RBFOX1: variants seen among roughly 807,000 people sequenced by gnomAD.
RBFOX1 encodes the protein RNA binding protein fox-1 homolog 1.
Under a neutral mutation model 57.7 loss-of-function variants are expected in RBFOX1, and 8 were observed. The observed-to-expected ratio is 0.14, with a 90% confidence interval of 0.08 to 0.25. RBFOX1 has a LOEUF of 0.25. Ranked by LOEUF, RBFOX1 falls within the 10% of genes least tolerant of loss-of-function variation. The probability of loss-of-function intolerance (pLI) is 1.00; values close to 1 mark genes in which losing one functional copy is unlikely to be tolerated. For synonymous variants in RBFOX1, 326 were observed against 222.4 expected (o/e 1.47, Z -4.15); for missense variants, 611 against 548.5 (o/e 1.11, Z -1.14).
At chr16:6,436,511 CTTTTTT>C (rs61508952) in intron 2 of RBFOX1, among the ~76,000 whole-genome samples, 2 of 103,418 alleles carry the variant, frequency 1.9e-5, no homozygotes, top group Admixed American at 1.1e-4. Flanking sequence ...TTTTTCTTCA[CTTTTTT>C]TTTTTTTTTT....
chr16:7,467,428 G>A (rs544965993), intron 4 of RBFOX1, among the ~76,000 whole-genome samples: 1 of 152,244 alleles, frequency 6.6e-6, no homozygotes, highest in East Asian at 1.9e-4. Flanking sequence ...AGGACATTGG[G>A]ATGTAACAAC....
At chr16:7,031,035 G>A (rs1272206881) in intron 3 of RBFOX1, among the ~76,000 whole-genome samples, 1 of 152,178 alleles carries the variant, frequency 6.6e-6, no homozygotes, top group Non-Finnish European at 1.5e-5. Context: ...GTTTGGGATG[G>A]GAGATGGTGT....
intron 1 of RBFOX1, among the ~76,000 whole-genome samples, chr16:6,258,063 G>A (rs1270820946): frequency 6.6e-6 from 1 of 152,118 alleles, no homozygotes; most frequent in Non-Finnish European, 1.5e-5. Flanking sequence ...CATTCCCTTT[G>A]TGTCCGCATG....
intron 3 of RBFOX1, among the ~76,000 whole-genome samples, chr16:6,828,971 T>A (rs897830628): frequency 6.6e-6 from 1 of 150,586 alleles, no homozygotes; most frequent in South Asian, 2.1e-4. Flanking sequence ...TGTGTACTTT[T>A]CCCGTTGTTA....
At chr16:7,348,843 C>G (rs9924450) in intron 4 of RBFOX1, among the ~76,000 whole-genome samples, 59,948 of 151,798 alleles carry the variant, frequency 0.39, 14,816 homozygotes, top group African/African-American at 0.71. Flanking sequence ...TTGGGAGGCT[C>G]AGGCAGGAGA....
chr16:7,002,234 C>G (rs556415896), intron 3 of RBFOX1, among the ~76,000 whole-genome samples: 1 of 152,154 alleles, frequency 6.6e-6, no homozygotes, highest in African/African-American at 2.4e-5. Flanking sequence ...ACTTGAGGCC[C>G]TGGATACAGC....
chr16:5,424,933 T>TTCTC (rs1364987875), intron 1 of RBFOX1, among the ~76,000 whole-genome samples: 1 of 109,860 alleles, frequency 9.1e-6, no homozygotes, highest in African/African-American at 3.6e-5. Flanking sequence ...CTTTCTTTCT[T>TTCTC]TCTCTCTCTT....
intron 3 of RBFOX1, among the ~76,000 whole-genome samples, chr16:6,836,158 A>T (rs1603630497): frequency 6.6e-6 from 1 of 152,232 alleles, no homozygotes; most frequent in East Asian, 1.9e-4. Flanking sequence ...AACCATTAAT[A>T]CGTCACCGGG....
At chr16:6,619,500 C>T (rs1238857419) in intron 2 of RBFOX1, among the ~76,000 whole-genome samples, 1 of 152,126 alleles carries the variant, frequency 6.6e-6, no homozygotes, top group South Asian at 2.1e-4. Flanking sequence ...TAAACTTATG[C>T]CTTTCTGCTT....
At chr16:6,568,189 T>C (rs995514975) in intron 2 of RBFOX1, among the ~76,000 whole-genome samples, 30 of 152,204 alleles carry the variant, frequency 2.0e-4, no homozygotes, top group Admixed American at 1.0e-3. Context: ...TTTCATCTCA[T>C]AGAGTTTCTG....
At chr16:6,896,604 C>T (rs1305488810) in intron 3 of RBFOX1, among the ~76,000 whole-genome samples, 1 of 152,162 alleles carries the variant, frequency 6.6e-6, no homozygotes, top group Non-Finnish European at 1.5e-5. Context: ...AGGATCTCAT[C>T]CTCTGCTATG....
upstream of RBFOX1, among the ~76,000 whole-genome samples, chr16:6,017,607 G>A (rs1019486276): frequency 3.9e-5 from 6 of 152,216 alleles, no homozygotes; most frequent in South Asian, 2.1e-4. Context: ...TTGCAAAATC[G>A]CTGGGACCAA....
intron 2 of RBFOX1, among the ~76,000 whole-genome samples, chr16:6,561,307 C>T (rs557602637): frequency 7.9e-5 from 12 of 152,114 alleles, no homozygotes; most frequent in African/African-American, 2.7e-4. Context: ...TCCATGGTTT[C>T]AGAATTAATA....
chr16:5,983,170 G>C (rs764469437), intron 4 of RBFOX1, among the ~76,000 whole-genome samples: 2 of 152,152 alleles, frequency 1.3e-5, no homozygotes, highest in Non-Finnish European at 2.9e-5. Flanking sequence ...CATTACCCCA[G>C]ATGCCTCCTG....
chr16:6,446,098 A>G (rs778594402), intron 2 of RBFOX1, among the ~76,000 whole-genome samples: 1 of 152,162 alleles, frequency 6.6e-6, no homozygotes, highest in African/African-American at 2.4e-5. Context: ...TCAAGTAGCC[A>G]GGAATACATG....
At chr16:6,925,507 G>C (rs1215456302) in intron 3 of RBFOX1, among the ~76,000 whole-genome samples, 1 of 150,618 alleles carries the variant, frequency 6.6e-6, no homozygotes, top group Non-Finnish European at 1.5e-5. Flanking sequence ...ATTCCACTGT[G>C]AATGTAAATT....
intron 2 of RBFOX1, among the ~76,000 whole-genome samples, chr16:6,419,074 A>T (rs997478737): frequency 6.6e-6 from 1 of 152,194 alleles, no homozygotes; most frequent in Non-Finnish European, 1.5e-5. Flanking sequence ...CTCCAGGGTT[A>T]TCTTTGCAGT....
chr16:7,190,101 C>G (rs925995157), intron 4 of RBFOX1, among the ~76,000 whole-genome samples: 20 of 152,224 alleles, frequency 1.3e-4, no homozygotes, highest in Admixed American at 3.3e-4. Context: ...TGGCTCACTC[C>G]TGTAATCCCA....
intron 3 of RBFOX1, among the ~76,000 whole-genome samples, chr16:6,990,496 A>C (rs1190925709): frequency 6.6e-6 from 1 of 151,962 alleles, no homozygotes; most frequent in Non-Finnish European, 1.5e-5. Flanking sequence ...CTGCATTCCC[A>C]CCTGGGCAAC....
Sources: gnomAD v4.1 joint callset for allele counts (sites outside exome capture counted in the v4.1 genomes callset) on GRCh38, gnomAD v4.1.1 for gene constraint, MANE v1.5 for transcripts, NCBI Gene and HGNC (gene_info 2026-07-23, HGNC 2026-07-21) for gene names.